RNF216: variants seen among roughly 807,000 people sequenced by gnomAD.
RNF216 encodes the protein E3 ubiquitin-protein ligase RNF216.
In RNF216, 72 loss-of-function variants were observed where a neutral mutation model predicts 110.8. The observed-to-expected ratio is 0.65, with a 90% CI of 0.54 to 0.79. RNF216 has a LOEUF of 0.79. RNF216 is among the 30% of genes least tolerant of loss of function. RNF216 has a pLI of 0.00. For synonymous variants in RNF216, 495 were observed against 407.5 expected (o/e 1.21, Z -2.59); for missense variants, 1,342 against 1,141.2 (o/e 1.18, Z -2.54).
chr7:5,689,173 G>A (rs1218414097), intron 13 of RNF216, among the ~76,000 whole-genome samples: 1 of 151,962 alleles, frequency 6.6e-6, no homozygotes, highest in Non-Finnish European at 1.5e-5. Context: ...GGGGGTCCTG[G>A]AGTGCAGCGC....
intron 1 of RNF216, among the ~76,000 whole-genome samples, chr7:5,764,271 C>T (rs116731464): frequency 0.015 from 2,262 of 148,292 alleles, 49 homozygotes; most frequent in African/African-American, 0.052. Context: ...TGAAACTATA[C>T]AGGCTATTGG....
intron 1 of RNF216, among the ~76,000 whole-genome samples, chr7:5,780,552 C>A (rs534935908): frequency 6.6e-6 from 1 of 152,148 alleles, no homozygotes; most frequent in East Asian, 1.9e-4. Context: ...CAAAAATTAG[C>A]TGGACGTGGT....
chr7:5,645,638 T>C (rs910010406), intron 14 of RNF216, among the ~76,000 whole-genome samples: 1 of 152,110 alleles, frequency 6.6e-6, no homozygotes, highest in Non-Finnish European at 1.5e-5. Flanking sequence ...GTCCCCACGC[T>C]GGTGTGCAGT....
intron 14 of RNF216, among the ~76,000 whole-genome samples, chr7:5,650,204 A>G (rs1482820318): frequency 1.3e-5 from 2 of 152,200 alleles, no homozygotes; most frequent in African/African-American, 4.8e-5. Context: ...AAGAAGCCCA[A>G]CATTTGGGAG....
At chr7:5,701,174 C>T (rs1028951151) in intron 13 of RNF216, among the ~76,000 whole-genome samples, 4 of 152,164 alleles carry the variant, frequency 2.6e-5, no homozygotes, top group Admixed American at 2.0e-4. Flanking sequence ...ACTTGAATAA[C>T]GTGGACTAAA....
rs1187054779 is a variant in RNF216 at position 5,641,065 on chromosome 7, AT to A, written c.2382+88del. 48 of 1,091,774 alleles carry A rather than the reference AT, an allele frequency of 4.4e-5. 1 individual carries two copies. In the East Asian group the frequency reaches 1.2e-3, roughly 26 times the overall value. 67.6% of individuals were successfully genotyped at this position (1,091,774 alleles called of 1,614,324 possible). On this transcript the variant is annotated intron_variant, in intron 15 of 16. Coordinates refer to ENST00000389902, the MANE Select transcript of RNF216 (RefSeq NM_207111.4). ...TTCCTATATTCTTCTCCTAAGTCAA[AT>A]TTTGTTACGTATATTCAAAATATTT...
chr7:5,695,612 G>A (rs1791578982), intron 13 of RNF216, among the ~76,000 whole-genome samples: 1 of 152,164 alleles, frequency 6.6e-6, no homozygotes, highest in Non-Finnish European at 1.5e-5. Context: ...AAAATGAATT[G>A]CTTGCTAGCA....
At chr7:5,725,640 AGGAGTTCGACACCAGTCT>A (rs1424989034) in intron 7 of RNF216, among the ~76,000 whole-genome samples, 2 of 152,138 alleles carry the variant, frequency 1.3e-5, no homozygotes, top group African/African-American at 4.8e-5. Flanking sequence ...CCTTGAGGTC[AGGAGTTCGACACCAGTCT>A]GGCCAACATG....
chr7:5,762,937 C>G (rs936248300), intron 1 of RNF216, among the ~76,000 whole-genome samples: 3 of 152,164 alleles, frequency 2.0e-5, no homozygotes, highest in Non-Finnish European at 2.9e-5. Flanking sequence ...ATCCATCCCT[C>G]TCTTCCTTTA....
chr7:5,671,122 T>C (rs935840632), intron 13 of RNF216, among the ~76,000 whole-genome samples: 5 of 152,186 alleles, frequency 3.3e-5, no homozygotes, highest in Non-Finnish European at 7.3e-5. Context: ...CCAGAGGCAA[T>C]ATGCCTTTTG....
At chr7:5,675,763 G>A (rs1790247046) in intron 13 of RNF216, among the ~76,000 whole-genome samples, 2 of 147,682 alleles carry the variant, frequency 1.4e-5, no homozygotes, top group Non-Finnish European at 3.0e-5. Flanking sequence ...AGGCTGTAAC[G>A]CAATGGTGCG....
At chr7:5,643,036 G>C (rs1467882457) in intron 14 of RNF216, among the ~76,000 whole-genome samples, 1 of 152,080 alleles carries the variant, frequency 6.6e-6, no homozygotes, top group African/African-American at 2.4e-5. Context: ...TTGCTCATCC[G>C]ATCTGTCTGG....
intron 4 of RNF216, 24 bp from the exon 5 acceptor site, chr7:5,739,376 T>C: frequency 6.3e-7 from 1 of 1,580,180 alleles, no homozygotes; most frequent in Non-Finnish European, 8.6e-7. Context: ...AGAACATAAT[T>C]TATATTTCAT....
At chr7:5,779,087 C>G (rs1304101499) in intron 1 of RNF216, among the ~76,000 whole-genome samples, 1 of 152,240 alleles carries the variant, frequency 6.6e-6, no homozygotes, top group Non-Finnish European at 1.5e-5. Flanking sequence ...ATAATGATAT[C>G]AGGTATGAGA....
intron 14 of RNF216, among the ~76,000 whole-genome samples, chr7:5,648,113 T>C (rs992390936): frequency 1.3e-5 from 2 of 151,878 alleles, no homozygotes; most frequent in Non-Finnish European, 2.9e-5. Flanking sequence ...GCTCTATTTT[T>C]TTTTTTTCTT....
intron 13 of RNF216, among the ~76,000 whole-genome samples, chr7:5,675,522 G>C (rs1390821621): frequency 2.0e-5 from 3 of 152,098 alleles, no homozygotes; most frequent in Non-Finnish European, 2.9e-5. Flanking sequence ...CCCACTTACA[G>C]TCCCAGCTAC....
intron 4 of RNF216, chr7:5,739,566 C>G (rs1354128012): frequency 1.6e-6 from 1 of 636,302 alleles, no homozygotes; most frequent in Non-Finnish European, 2.9e-6. Flanking sequence ...AGATCTGGTT[C>G]TCTGTCCCCA....
At chr7:5,774,548 T>G (rs1008091145) in intron 1 of RNF216, among the ~76,000 whole-genome samples, 1 of 152,244 alleles carries the variant, frequency 6.6e-6, no homozygotes, top group Non-Finnish European at 1.5e-5. Flanking sequence ...GACATTGTGC[T>G]ATTTTTATTA....
chr7:5,639,545 C>A (rs957228000), intron 15 of RNF216, among the ~76,000 whole-genome samples: 2 of 150,578 alleles, frequency 1.3e-5, no homozygotes, highest in African/African-American at 2.5e-5. Context: ...CTCACTGCAA[C>A]CTCCGCCTCC....
Sources: allele counts gnomAD v4.1 joint callset (sites outside exome capture counted in the v4.1 genomes callset), GRCh38; gene constraint gnomAD v4.1.1; transcripts MANE v1.5; gene names NCBI Gene and HGNC (gene_info 2026-07-23, HGNC 2026-07-21).